Variants in AKT3 observed in about 807,000 individuals in gnomAD.
The protein encoded by AKT3 is RAC-gamma serine/threonine-protein kinase.
A neutral mutation model predicts 65.3 loss-of-function variants in AKT3; 15 were observed. The observed-to-expected ratio is 0.23, with a 90% CI of 0.15 to 0.35. The LOEUF (loss-of-function observed/expected upper bound fraction) is 0.35. AKT3 is among the 10% of genes least tolerant of loss of function. The pLI is 1.00. For synonymous variants in AKT3, 206 were observed against 183.8 expected (o/e 1.12, Z -0.98); for missense variants, 243 against 576.5 (o/e 0.42, Z 5.92).
rs748909525 is a variant in AKT3 at position 243,489,083 on chromosome 1, C to T, written c.*7-633G>A. 1.4e-5 allele frequency: 22 copies of T among 1,613,258 alleles called. No homozygotes were observed. The Admixed American group carries it at 3.3e-4, about 24-fold the overall frequency. On this transcript the variant is annotated intron_variant, in intron 13 of 13. Transcript: ENST00000336199. ...TGGTGCAGCTCCTCAGCAAGCAGAACCAGCTTCTCCTGGAGAGGCAGAGCC... is the reference window on the plus strand; with the variant it reads ...TGGTGCAGCTCCTCAGCAAGCAGAATCAGCTTCTCCTGGAGAGGCAGAGCC...
At chr1:243,495,587 C>T (rs1003604103), downstream of AKT3, among the ~76,000 whole-genome samples, 5 of 152,198 alleles carry the variant, frequency 3.3e-5, no homozygotes, top group Admixed American at 6.5e-5. Context: ...CCGGAGGGGA[C>T]GAGGCCCCTC....
At chr1:243,632,121 T>C (rs751911831) in intron 6 of AKT3, among the ~76,000 whole-genome samples, 2 of 152,234 alleles carry the variant, frequency 1.3e-5, no homozygotes, top group Non-Finnish European at 2.9e-5. Context: ...ATGGTGAATC[T>C]TTCCCAAAAG....
chr1:243,786,784 C>T (rs1026732782), intron 2 of AKT3, among the ~76,000 whole-genome samples: 1 of 152,130 alleles, frequency 6.6e-6, no homozygotes, highest in Non-Finnish European at 1.5e-5. Context: ...TACTCACCCA[C>T]AGGTCTCTTG....
At chr1:243,568,590 T>C (rs1674343791) in intron 9 of AKT3, among the ~76,000 whole-genome samples, 2 of 152,220 alleles carry the variant, frequency 1.3e-5, no homozygotes, top group African/African-American at 4.8e-5. Flanking sequence ...TAAATCTTTT[T>C]TCCTGTGCTT....
At chr1:243,796,315 C>G (rs1692002448) in intron 2 of AKT3, among the ~76,000 whole-genome samples, 1 of 152,186 alleles carries the variant, frequency 6.6e-6, no homozygotes, top group African/African-American at 2.4e-5. Context: ...TTGAAATCAG[C>G]TATCTCAGGA....
chr1:243,596,456 T>C (rs1467027739), intron 8 of AKT3, among the ~76,000 whole-genome samples: 2 of 152,192 alleles, frequency 1.3e-5, no homozygotes, highest in Admixed American at 6.5e-5. Flanking sequence ...CACAAAAGTA[T>C]ATGCAATGGC....
intron 6 of AKT3, chr1:243,624,941 T>C (rs2148628914): frequency 3.7e-6 from 1 of 271,316 alleles, no homozygotes; most frequent in Non-Finnish European, 7.8e-6. Context: ...TGATAATCAC[T>C]CTTGGTTTGT....
At position 243,563,716 on chromosome 1, in the gene AKT3, C is replaced by T. The variant is rs1398851777; in HGVS notation, c.948+4G>A. 2 of 1,598,420 alleles carry T rather than the reference C, an allele frequency of 1.3e-6. No individual in the cohort carries two copies. The highest frequency in any genetic ancestry group is 1.3e-5 in the African/African-American group (1 of 74,236). On this transcript the variant is annotated splice_donor_region_variant and intron_variant, in intron 10 of 13. Transcript: ENST00000673466. ...ACTTTCCTATTAATGGAACCGAAGC[C>T]TACCTCTGGTGCCAGATATTCTGGA... is the stretch of plus-strand genomic sequence containing the variant.
At chr1:243,681,450 C>T (rs1230447769) in intron 3 of AKT3, among the ~76,000 whole-genome samples, 2 of 152,098 alleles carry the variant, frequency 1.3e-5, no homozygotes, top group Non-Finnish European at 2.9e-5. Context: ...AATTCTGAGT[C>T]CCAGTATGGT....
chr1:243,810,107 T>G (rs1225096488), intron 2 of AKT3, among the ~76,000 whole-genome samples: 1 of 151,688 alleles, frequency 6.6e-6, no homozygotes, highest in Non-Finnish European at 1.5e-5. Context: ...ACATCACAAT[T>G]AAAAGAACTA....
intron 12 of AKT3, among the ~76,000 whole-genome samples, chr1:243,524,816 T>G (rs1259305743): frequency 6.6e-6 from 1 of 152,074 alleles, no homozygotes; most frequent in Admixed American, 6.5e-5. Context: ...GAGAAAGACA[T>G]GAAAACAATC....
intron 6 of AKT3, among the ~76,000 whole-genome samples, chr1:243,635,734 A>T (rs1679926688): frequency 6.6e-6 from 1 of 152,042 alleles, no homozygotes. Flanking sequence ...GAAGAAACAC[A>T]GTAGACACCA....
rs529632321 is a variant in AKT3 at position 243,769,794 on chromosome 1, G to A, written c.46+73331C>T. 1.8e-4 allele frequency among the ~76,000 whole-genome samples: 28 copies of A among 152,046 alleles called. No homozygotes were observed. In the East Asian group the frequency reaches 3.7e-3, roughly 20 times the overall value. The stretch of plus-strand genomic sequence containing the variant: ...AAGACCTTCTCACTTTCTTGACAGC[G>A]GCCTTTGACATACAAGTTTTTTATT... On this transcript the variant is annotated intron_variant, in intron 2 of 13. Transcript: ENST00000673466.
rs116988079 is a variant in AKT3, at chr1:243,601,643, C to A, written c.696+12028G>T. On this transcript the variant is annotated intron_variant, in intron 8 of 13. Transcript: ENST00000673466. Reference sequence around the variant, plus strand: ...ATTCACGAGCTTTTATTCTAATAGGCCCAAAATGTAAAGAACCCAAACGTC... The same window carrying A: ...ATTCACGAGCTTTTATTCTAATAGGACCAAAATGTAAAGAACCCAAACGTC... Among the ~76,000 whole-genome samples the A allele has an allele frequency of 3.5e-3, 527 of 152,174 alleles. 20 individuals are homozygous for A. The East Asian group carries it at 0.082, about 24-fold the overall frequency.
chr1:243,685,614 A>G (rs1370280571), intron 3 of AKT3, among the ~76,000 whole-genome samples: 3 of 152,114 alleles, frequency 2.0e-5, no homozygotes, highest in Non-Finnish European at 4.4e-5. Flanking sequence ...AGGTAGCGTG[A>G]TGCCTCCAGC....
intron 2 of AKT3, among the ~76,000 whole-genome samples, chr1:243,699,514 A>ATATATATATATAT (rs1685304874): frequency 2.1e-5 from 2 of 96,718 alleles, no homozygotes; most frequent in African/African-American, 1.1e-4. Context: ...TATATATATA[A>ATATATATATATAT]TCTTCATGGG....
At chr1:243,791,242 A>G (rs1277025090) in intron 2 of AKT3, among the ~76,000 whole-genome samples, 3 of 152,124 alleles carry the variant, frequency 2.0e-5, no homozygotes, top group Non-Finnish European at 2.9e-5. Context: ...TTAGGGGAAA[A>G]TAAGGGGAAA....
chr1:243,830,723 A>G (rs1276315271), intron 2 of AKT3, among the ~76,000 whole-genome samples: 3 of 152,226 alleles, frequency 2.0e-5, no homozygotes, highest in Non-Finnish European at 4.4e-5. Context: ...GAGGTACTTT[A>G]CCGTTCTAAG....
chr1:243,758,186 T>C (rs1008414441), intron 2 of AKT3, among the ~76,000 whole-genome samples: 2 of 152,182 alleles, frequency 1.3e-5, no homozygotes, highest in Non-Finnish European at 2.9e-5. Context: ...TAGACAAAAA[T>C]CACTGCTTTC....
Sources: gnomAD v4.1 joint callset for allele counts (sites outside exome capture counted in the v4.1 genomes callset) on GRCh38, gnomAD v4.1.1 for gene constraint, MANE v1.5 for transcripts, NCBI Gene and HGNC (gene_info 2026-07-23, HGNC 2026-07-21) for gene names.